SPIRE1: variants seen among roughly 807,000 people sequenced by gnomAD.
SPIRE1 encodes spire type actin nucleation factor 1.
In SPIRE1, 40 loss-of-function variants were observed where a neutral mutation model predicts 94.1. The ratio of observed to expected loss-of-function variants is 0.43; its 90% CI spans 0.33 to 0.55. The LOEUF is 0.55. Among genes scored for constraint, SPIRE1 ranks in the 20% least tolerant of loss-of-function variants. The pLI is 0.06. For synonymous variants in SPIRE1, 376 were observed against 371.7 expected (o/e 1.01, Z -0.13); for missense variants, 838 against 975.2 (o/e 0.86, Z 1.87).
chr18:12,458,291 A>T (rs2031618531), intron 12 of SPIRE1, among the ~76,000 whole-genome samples: 2 of 151,948 alleles, frequency 1.3e-5, no homozygotes. Context: ...GCAACTATTA[A>T]GTTTACTCTT....
At chr18:12,468,146 C>A (rs79559658) in intron 10 of SPIRE1, among the ~76,000 whole-genome samples, 6,800 of 152,006 alleles carry the variant, frequency 0.045, 238 homozygotes, top group African/African-American at 0.082. Flanking sequence ...TATAAATAAG[C>A]AAATAGGTCA....
intron 2 of SPIRE1, among the ~76,000 whole-genome samples, chr18:12,591,180 C>T (rs1429640502): frequency 6.6e-6 from 1 of 152,096 alleles, no homozygotes; most frequent in Non-Finnish European, 1.5e-5. Context: ...GATGGTTACA[C>T]AGGAGTAGAA....
At chr18:12,622,485 C>T (rs1392892885) in intron 2 of SPIRE1, among the ~76,000 whole-genome samples, 5 of 135,484 alleles carry the variant, frequency 3.7e-5, no homozygotes, top group Middle Eastern at 5.9e-3. Context: ...TGCAGTGGCG[C>T]GATCTTGGCT....
chr18:12,478,492 G>A (rs2032700970), intron 10 of SPIRE1, among the ~76,000 whole-genome samples: 1 of 150,312 alleles, frequency 6.7e-6, no homozygotes, highest in African/African-American at 2.5e-5. Context: ...GCTAGGGGAG[G>A]TGTGTATGAA....
At chr18:12,549,453 T>TG (rs2035279868) in intron 2 of SPIRE1, among the ~76,000 whole-genome samples, 6 of 97,420 alleles carry the variant, frequency 6.2e-5, no homozygotes, top group Non-Finnish European at 1.4e-4. Flanking sequence ...TTTTTTTTTT[T>TG]TTTTTTTTTT....
At chr18:12,609,780 C>T (rs2037087136) in intron 2 of SPIRE1, among the ~76,000 whole-genome samples, 1 of 152,192 alleles carries the variant, frequency 6.6e-6, no homozygotes, top group Admixed American at 6.5e-5. Flanking sequence ...CACTGCCCAT[C>T]TCCCAGAAGG....
rs373221470 is a variant in SPIRE1 at position 12,643,778 on chromosome 18, CTATA to C, written c.338-8686_338-8683del. On this transcript the variant is annotated intron_variant, in intron 1 of 16. Coordinates refer to ENST00000409402, the MANE Select transcript of SPIRE1 (RefSeq NM_001128626.2). ...AGCTATTTAACCTTTACTACATATA[CTATA>C]TATAGTCAAGAAATATTTTTGTAAT... is the stretch of plus-strand genomic sequence containing the variant. 2.6e-4 allele frequency among the ~76,000 whole-genome samples: 40 copies of C among 152,118 alleles called. No individual in the cohort carries two copies. The East Asian group carries it at 7.1e-3, about 27-fold the overall frequency.
At chr18:12,458,500 G>A (rs2031631316) in intron 12 of SPIRE1, among the ~76,000 whole-genome samples, 1 of 152,026 alleles carries the variant, frequency 6.6e-6, no homozygotes, top group Non-Finnish European at 1.5e-5. Flanking sequence ...TGGAGTCCCA[G>A]CTACTCGGGA....
chr18:12,559,353 G>A lies in SPIRE1; in HGVS notation c.373-12449C>T, dbSNP rs867866849. On this transcript the variant is annotated intron_variant, in intron 2 of 16. Transcript: ENST00000409402. This position sits in a 1 kb window ranked among gnomAD's most constrained non-coding sequence, Gnocchi z 4.7. ...GCGGGTGCTAAGCCTCTCATTGCCC[G>A]GGCCGGCGTCGCCAGCCGGCAGCTC... Among the ~76,000 whole-genome samples the A allele has an allele frequency of 5.3e-5, 8 of 152,174 alleles. No homozygotes were observed. In the South Asian group the frequency reaches 1.2e-3, roughly 24 times the overall value.
intron 2 of SPIRE1, among the ~76,000 whole-genome samples, chr18:12,590,716 G>A (rs962606616): frequency 6.6e-6 from 1 of 152,150 alleles, no homozygotes; most frequent in African/African-American, 2.4e-5. Flanking sequence ...CAGGCATGAA[G>A]ACCCCCAGGA....
chr18:12,617,608 G>A (rs1468350718), intron 2 of SPIRE1, among the ~76,000 whole-genome samples: 6 of 151,768 alleles, frequency 4.0e-5, no homozygotes, highest in African/African-American at 1.2e-4. Flanking sequence ...ACGGGGTTTC[G>A]CCATTTTGAC....
chr18:12,554,536 G>C (rs2035446620), intron 2 of SPIRE1, among the ~76,000 whole-genome samples: 2 of 152,122 alleles, frequency 1.3e-5, no homozygotes, highest in African/African-American at 2.4e-5. Context: ...GGACCCAATA[G>C]CTTCACAGCT....
chr18:12,627,462 C>T (rs569928485), intron 2 of SPIRE1, among the ~76,000 whole-genome samples: 2 of 152,218 alleles, frequency 1.3e-5, no homozygotes, highest in South Asian at 2.1e-4. Context: ...AGTCTATCAT[C>T]GATGGACATT....
intron 5 of SPIRE1, among the ~76,000 whole-genome samples, chr18:12,510,470 T>C (rs1047576809): frequency 1.3e-5 from 2 of 152,108 alleles, no homozygotes; most frequent in Admixed American, 1.3e-4. Flanking sequence ...AATGGCATGA[T>C]TTATCTAGCA....
At chr18:12,541,943 TCAAATTATAG>T (rs1284776114) in intron 3 of SPIRE1, among the ~76,000 whole-genome samples, 1 of 151,378 alleles carries the variant, frequency 6.6e-6, no homozygotes. Context: ...TTGTAATACT[TCAAATTATAG>T]CCAATACAAA....
chr18:12,525,438 G>A (rs1192502845), intron 4 of SPIRE1, among the ~76,000 whole-genome samples: 1 of 151,550 alleles, frequency 6.6e-6, no homozygotes, highest in African/African-American at 2.4e-5. Flanking sequence ...AAACCTGCTT[G>A]TGTTATACAT....
chr18:12,642,978 T>C (rs1476742564), intron 1 of SPIRE1, among the ~76,000 whole-genome samples: 1 of 152,190 alleles, frequency 6.6e-6, no homozygotes, highest in Non-Finnish European at 1.5e-5. Context: ...GAAGACATAA[T>C]ATTTGTATTT....
chr18:12,549,439 G>GTTTTTTTTTTTTTTTTTT lies in SPIRE1; in HGVS notation c.373-2553_373-2536dup, dbSNP rs869122444. On this transcript the variant is annotated intron_variant, in intron 2 of 16. Transcript: ENST00000409402. ...CTTTTTGTTTGTTTTTGTTATTGTTGTTTTTTTTTTTTTTTTTTTTTTTTT... is the reference window on the plus strand; with the variant it reads ...CTTTTTGTTTGTTTTTGTTATTGTTGTTTTTTTTTTTTTTTTTTTTTTTTTTTTTTTTTTTTTTTTTTT... 9.9e-4 allele frequency among the ~76,000 whole-genome samples: 41 copies of GTTTTTTTTTTTTTTTTTT among 41,262 alleles called. 3 individuals are homozygous for GTTTTTTTTTTTTTTTTTT. The highest frequency in any genetic ancestry group is 1.7e-3 in the South Asian group (1 of 592). The allele number at this position is 41,262 out of a possible 152,430, so 27.1% of individuals were successfully genotyped here.
At chr18:12,580,355 G>A (rs1300674748) in intron 2 of SPIRE1, among the ~76,000 whole-genome samples, 1 of 151,336 alleles carries the variant, frequency 6.6e-6, no homozygotes, top group Non-Finnish European at 1.5e-5. Flanking sequence ...ATGGAGTCTC[G>A]CTCTGTCACC....
Sources: gnomAD v4.1 joint callset for allele counts (sites outside exome capture counted in the v4.1 genomes callset) on GRCh38, gnomAD v4.1.1 for gene constraint, Gnocchi (gnomAD v3.1) non-coding constraint, MANE v1.5 for transcripts, NCBI Gene and HGNC (gene_info 2026-07-23, HGNC 2026-07-21) for gene names.